Variants in PBX3 observed in about 807,000 individuals in gnomAD.
PBX3 encodes pre-B-cell leukemia transcription factor 3.
In PBX3, 14 loss-of-function variants were observed where a neutral mutation model predicts 48.5. The ratio of observed to expected loss-of-function variants is 0.29; its 90% CI spans 0.19 to 0.45. The LOEUF is 0.45. Among genes scored for constraint, PBX3 ranks in the 20% least tolerant of loss-of-function variants. The probability of loss-of-function intolerance (pLI) is 1.00; values close to 1 mark genes in which losing one functional copy is unlikely to be tolerated. For synonymous variants in PBX3, 210 were observed against 200.3 expected (o/e 1.05, Z -0.41); for missense variants, 386 against 546.7 (o/e 0.71, Z 2.93).
rs952851038 is a variant in PBX3 at position 125,791,105 on chromosome 9, G to A, written c.274+42482G>A. Among the ~76,000 whole-genome samples, 4 of 151,938 alleles carry A rather than the reference G, an allele frequency of 2.6e-5. No individual in the cohort carries two copies. The East Asian group carries it at 5.8e-4, about 22-fold the overall frequency. Reference sequence around the variant, plus strand: ...AATTTTTGTATTTTTTAGTAGAGACGGGGATTTGCCATTTTGGCCAGGCTA... The same window carrying A: ...AATTTTTGTATTTTTTAGTAGAGACAGGGATTTGCCATTTTGGCCAGGCTA... On this transcript the variant is annotated intron_variant, in intron 2 of 8. Coordinates refer to ENST00000373489, the MANE Select transcript of PBX3 (RefSeq NM_006195.6).
chr9:125,853,276 A>G (rs1314500125), intron 2 of PBX3, among the ~76,000 whole-genome samples: 2 of 152,190 alleles, frequency 1.3e-5, no homozygotes, highest in African/African-American at 2.4e-5. Context: ...AAATATAGCC[A>G]TGATTTCCTC....
At chr9:125,958,458 T>C (rs1229883126) in intron 5 of PBX3, among the ~76,000 whole-genome samples, 1 of 152,192 alleles carries the variant, frequency 6.6e-6, no homozygotes, top group East Asian at 1.9e-4. Context: ...GGGCTGAGCC[T>C]GAAGGCCTAA....
chr9:125,797,340 A>G (rs1332530026), intron 2 of PBX3: 1 of 152,074 alleles, frequency 6.6e-6, no homozygotes, highest in Admixed American at 6.5e-5. Flanking sequence ...CATGCTCTAA[A>G]TCATACTGTA....
chr9:125,937,359 T>TA lies in PBX3; in HGVS notation c.843+1752_843+1753insA, dbSNP rs1444712400. On this transcript the variant is annotated intron_variant, in intron 5 of 8. Coordinates refer to ENST00000373489, the MANE Select transcript of PBX3 (RefSeq NM_006195.6). ...GAACCCACTTACCAGTGTGTTTTTT[T>TA]TAAAAAAAACAGTTAATTATTAAAT... Among the ~76,000 whole-genome samples the TA allele has an allele frequency of 7.2e-5, 11 of 152,202 alleles. 1 individual carries two copies. Among genetic ancestry groups the TA allele is most frequent in the African/African-American group, 2.6e-4 (11 of 41,534 alleles).
At chr9:125,927,273 G>A (rs1841598562) in intron 3 of PBX3, among the ~76,000 whole-genome samples, 1 of 152,184 alleles carries the variant, frequency 6.6e-6, no homozygotes, top group Admixed American at 6.5e-5. Context: ...AATCCCGTAA[G>A]TATAATATAG....
intron 2 of PBX3, among the ~76,000 whole-genome samples, chr9:125,823,500 G>C (rs1163113448): frequency 6.6e-6 from 1 of 151,710 alleles, no homozygotes; most frequent in East Asian, 1.9e-4. Context: ...CATATATAAT[G>C]TTAATATGGT....
At chr9:125,941,974 C>T (rs948354845) in intron 5 of PBX3, among the ~76,000 whole-genome samples, 3 of 152,056 alleles carry the variant, frequency 2.0e-5, no homozygotes, top group Admixed American at 2.0e-4. Context: ...TTGAAATGTA[C>T]TGTAAAGAAA....
rs1475252217 is a variant in PBX3, at chr9:125,963,004, A to T, written c.1123-8A>T. ...GGGATGATGAATTTTGTTTTGTCTC[A>T]CTTCTAGGTGGATACCCTCCGTCAT... On this transcript the variant is annotated splice_polypyrimidine_tract_variant and splice_region_variant and intron_variant, in intron 7 of 8. Transcript: ENST00000373489. 6.4e-7 allele frequency: 1 copy of T among 1,555,284 alleles called. No individual in the cohort carries two copies. Among genetic ancestry groups the T allele is most frequent in the Non-Finnish European group, 8.8e-7 (1 of 1,135,372 alleles).
chr9:125,923,945 G>C (rs1036255701), intron 3 of PBX3, among the ~76,000 whole-genome samples: 2 of 152,020 alleles, frequency 1.3e-5, no homozygotes, highest in Non-Finnish European at 2.9e-5. Flanking sequence ...GCTGACTTCA[G>C]CCTTGATCTT....
chr9:125,873,985 A>G (rs1170848042), intron 2 of PBX3, among the ~76,000 whole-genome samples: 1 of 152,196 alleles, frequency 6.6e-6, no homozygotes, highest in Non-Finnish European at 1.5e-5. Context: ...GAAAAGATGC[A>G]GAGAAGAAGC....
chr9:125,762,536 T>C (rs1836698294), intron 2 of PBX3, among the ~76,000 whole-genome samples: 2 of 152,210 alleles, frequency 1.3e-5, no homozygotes, highest in South Asian at 2.1e-4. Flanking sequence ...CCTGCCATTA[T>C]TCGGTGAGCC....
chr9:125,954,670 G>A (rs969325617), intron 5 of PBX3, among the ~76,000 whole-genome samples: 1 of 152,086 alleles, frequency 6.6e-6, no homozygotes, highest in Non-Finnish European at 1.5e-5. Flanking sequence ...TGAGTAGCTG[G>A]GACTACAGGC....
chr9:125,883,591 A>G (rs2132357655), intron 2 of PBX3, among the ~76,000 whole-genome samples: 1 of 150,710 alleles, frequency 6.6e-6, no homozygotes, highest in Middle Eastern at 3.5e-3. Context: ...TGCGTAGCCA[A>G]TCTCTTGACT....
intron 2 of PBX3, among the ~76,000 whole-genome samples, chr9:125,761,973 T>C (rs1836680395): frequency 6.6e-6 from 1 of 152,220 alleles, no homozygotes; most frequent in South Asian, 2.1e-4. Context: ...GTTCATTTTC[T>C]TCCTCATATT....
intron 2 of PBX3, among the ~76,000 whole-genome samples, chr9:125,900,733 A>G (rs1054104275): frequency 1.3e-5 from 2 of 151,682 alleles, no homozygotes; most frequent in African/African-American, 4.8e-5. Context: ...CCCAAATATA[A>G]CTTGATACCT....
At chr9:125,923,647 C>T (rs1359530880) in intron 3 of PBX3, among the ~76,000 whole-genome samples, 2 of 152,116 alleles carry the variant, frequency 1.3e-5, no homozygotes, top group South Asian at 2.1e-4. Flanking sequence ...CTCACTGAAG[C>T]CTCGACCTCC....
chr9:125,914,612 CAAAAG>C (rs941112196), intron 2 of PBX3, among the ~76,000 whole-genome samples: 3 of 152,180 alleles, frequency 2.0e-5, no homozygotes, highest in Admixed American at 6.5e-5. Flanking sequence ...GGCACAGACT[CAAAAG>C]AGAATCCAAA....
At chr9:125,815,285 A>G (rs969871303) in intron 2 of PBX3, among the ~76,000 whole-genome samples, 1 of 152,282 alleles carries the variant, frequency 6.6e-6, no homozygotes, top group Non-Finnish European at 1.5e-5. Context: ...TCTCCTTCCT[A>G]TAGTCCCACT....
intron 2 of PBX3, among the ~76,000 whole-genome samples, chr9:125,834,906 A>G (rs1258995197): frequency 1.3e-5 from 2 of 148,770 alleles, no homozygotes. Context: ...AATCCCAGCT[A>G]TTCAGGAGGC....
Sources: gnomAD v4.1 joint callset for allele counts (sites outside exome capture counted in the v4.1 genomes callset) on GRCh38, gnomAD v4.1.1 for gene constraint, MANE v1.5 for transcripts, NCBI Gene and HGNC (gene_info 2026-07-23, HGNC 2026-07-21) for gene names.